CCDC85A: variants seen among roughly 807,000 people sequenced by gnomAD.
The protein encoded by CCDC85A is coiled-coil domain-containing protein 85A.
Under a neutral mutation model 50.2 loss-of-function variants are expected in CCDC85A, and 38 were observed. The ratio of observed to expected loss-of-function variants is 0.76; its 90% CI spans 0.58 to 0.99. The LOEUF (loss-of-function observed/expected upper bound fraction) is 0.99, where lower values mean the gene tolerates loss of function less well. Among genes scored for constraint, CCDC85A ranks in the 50% least tolerant of loss-of-function variants. The pLI is 0.00. For missense variants in CCDC85A, 820 were observed against 742.0 expected (o/e 1.11, Z -1.22); for synonymous variants, 366 against 301.4 (o/e 1.21, Z -2.22).
rs771198074 is a variant in CCDC85A at position 56,375,945 on chromosome 2, C to T, written c.1572+10C>T. On this transcript the variant is annotated intron_variant, in intron 5 of 5. Coordinates refer to ENST00000407595, the MANE Select transcript of CCDC85A (RefSeq NM_001080433.2). Reference sequence around the variant, plus strand: ...GGTACATTCTCTTAAGGTAACCAATCGTGTGCAACCATTTATCCAGAGCTT... The same window carrying T: ...GGTACATTCTCTTAAGGTAACCAATTGTGTGCAACCATTTATCCAGAGCTT... 2.5e-6 allele frequency: 4 copies of T among 1,610,508 alleles called. No homozygotes were observed. The highest frequency in any genetic ancestry group is 1.1e-5 in the South Asian group (1 of 90,668).
chr2:56,209,715 T>C lies in CCDC85A; in HGVS notation c.1240+16275T>C, dbSNP rs150533946. Among the ~76,000 whole-genome samples the C allele has an allele frequency of 2.6e-3, 391 of 152,224 alleles. 2 individuals are homozygous for C. The highest frequency in any genetic ancestry group is 9.1e-3 in the African/African-American group (377 of 41,562). On this transcript the variant is annotated intron_variant, in intron 2 of 5. Transcript: ENST00000407595. The stretch of plus-strand genomic sequence containing the variant: ...TTTTGACTTTGTGGAGGTGCCAAAA[T>C]ACAGTGTAAGGGAAGGTAAGATCAA...
intron 2 of CCDC85A, among the ~76,000 whole-genome samples, chr2:56,273,983 A>G (rs1376894005): frequency 6.6e-6 from 1 of 152,174 alleles, no homozygotes; most frequent in Non-Finnish European, 1.5e-5. Flanking sequence ...ATGATATATA[A>G]AAACTAAACA....
intron 2 of CCDC85A, among the ~76,000 whole-genome samples, chr2:56,218,372 T>G (rs780026041): frequency 6.6e-6 from 1 of 151,836 alleles, no homozygotes; most frequent in South Asian, 2.1e-4. Context: ...AGGTATACAT[T>G]GTAGCAAATT....
At chr2:56,245,217 T>C (rs1044389852) in intron 2 of CCDC85A, among the ~76,000 whole-genome samples, 1 of 152,196 alleles carries the variant, frequency 6.6e-6, no homozygotes, top group Non-Finnish European at 1.5e-5. Flanking sequence ...TAGCCTGCAG[T>C]GGTGAGGCTT....
At chr2:56,252,083 G>C (rs1038259233) in intron 2 of CCDC85A, among the ~76,000 whole-genome samples, 1 of 143,504 alleles carries the variant, frequency 7.0e-6, no homozygotes, top group Admixed American at 7.0e-5. Flanking sequence ...GACTCACACT[G>C]TCCCCGGGGT....
intron 2 of CCDC85A, among the ~76,000 whole-genome samples, chr2:56,329,332 T>G (rs558023890): frequency 6.6e-6 from 1 of 152,208 alleles, no homozygotes; most frequent in Non-Finnish European, 1.5e-5. Context: ...AGTGGTGTGC[T>G]TATTTATGTA....
chr2:56,355,575 G>C (rs1403013108), intron 3 of CCDC85A, among the ~76,000 whole-genome samples: 1 of 152,082 alleles, frequency 6.6e-6, no homozygotes, highest in Non-Finnish European at 1.5e-5. Context: ...ACTCATATAG[G>C]TTAGTGATAT....
intron 2 of CCDC85A, among the ~76,000 whole-genome samples, chr2:56,203,934 G>A (rs1192979301): frequency 1.3e-5 from 2 of 152,120 alleles, no homozygotes; most frequent in Non-Finnish European, 2.9e-5. Context: ...CTGGATAACG[G>A]CATGCCTACC....
chr2:56,245,734 G>A (rs966855996), intron 2 of CCDC85A, among the ~76,000 whole-genome samples: 3 of 152,090 alleles, frequency 2.0e-5, no homozygotes, highest in Non-Finnish European at 2.9e-5. Context: ...AGGAGGTGGG[G>A]TCTCTAAGAG....
intron 2 of CCDC85A, among the ~76,000 whole-genome samples, chr2:56,321,310 G>C (rs1268970495): frequency 6.6e-6 from 1 of 152,164 alleles, no homozygotes; most frequent in Admixed American, 6.5e-5. Context: ...GCAGGAGAAG[G>C]TAATAAAGGG....
intron 3 of CCDC85A, among the ~76,000 whole-genome samples, chr2:56,344,761 C>G (rs1381977143): frequency 6.6e-6 from 1 of 151,916 alleles, no homozygotes; most frequent in Non-Finnish European, 1.5e-5. Flanking sequence ...ACAAAGAAAC[C>G]TACAAAATCT....
chr2:56,256,563 C>T (rs755433994), intron 2 of CCDC85A, among the ~76,000 whole-genome samples: 14 of 152,182 alleles, frequency 9.2e-5, no homozygotes, highest in East Asian at 1.9e-4. Flanking sequence ...GGAATTAATT[C>T]GCAACTCAGA....
chr2:56,249,442 G>A (rs368340631), intron 2 of CCDC85A, among the ~76,000 whole-genome samples: 98 of 152,346 alleles, frequency 6.4e-4, no homozygotes, highest in African/African-American at 2.3e-3. Flanking sequence ...GGAGGGTAGA[G>A]TGAATCTGAA....
chr2:56,353,761 A>G (rs990395126), intron 3 of CCDC85A, among the ~76,000 whole-genome samples: 1 of 152,242 alleles, frequency 6.6e-6, no homozygotes, highest in Non-Finnish European at 1.5e-5. Flanking sequence ...CTTTAAATCC[A>G]GTGCAACATT....
At chr2:56,320,288 C>T (rs9679639) in intron 2 of CCDC85A, among the ~76,000 whole-genome samples, 54,302 of 151,664 alleles carry the variant, frequency 0.36, 11,420 homozygotes, top group African/African-American at 0.58. Flanking sequence ...TAACTAAGAT[C>T]AGAGCAGAAC....
In CCDC85A at chr2:56,192,762, G is replaced by T. The variant is rs755721821; in HGVS notation, c.562G>T (p.Asp188Tyr). The change falls in exon 2 of 6, where the codon GAC (aspartate) becomes TAC (tyrosine). Residue 188 changes from aspartate (D) to tyrosine (Y), a missense_variant. Asp to Tyr is a radical substitution (Grantham distance 160, BLOSUM62 -3). Coordinates refer to ENST00000407595, the MANE Select transcript of CCDC85A (RefSeq NM_001080433.2). The surrounding 1 kb of genome is among the most constrained non-coding windows in gnomAD (Gnocchi z 4.7). ...CTGCGCAGGCAGCCGCTGCTCCATC[G>T]ACAGCCAGGCCAGCCTGTGCCAACT... is the stretch of plus-strand genomic sequence containing the variant. ...AGCAGSRCSI[D>Y]SQASLCQLTA... is the part of the protein sequence containing the mutation. The T allele has an allele frequency of 7.4e-6, 12 of 1,612,724 alleles. No individual in the cohort carries two copies. The highest frequency in any genetic ancestry group is 9.3e-6 in the Non-Finnish European group (11 of 1,179,568).
chr2:56,183,876 G>A, upstream of CCDC85A: 2 of 985,120 alleles, frequency 2.0e-6, no homozygotes, highest in Non-Finnish European at 2.4e-6. Flanking sequence ...CGCACCTCGA[G>A]GGCCCGGGCA....
Position 56,386,033 on chromosome 2 carries a change from A to G in CCDC85A, c.*1678A>G, listed in dbSNP as rs1218962407. On this transcript the variant is annotated 3_prime_UTR_variant, in exon 6 of 6. Transcript: ENST00000407595. ...CAGCAGAGCCTGCAGAAGCTAATAC[A>G]AGGGACACTGGTCTTTTGACAAAAT... The G allele has an allele frequency of 2.0e-5, 3 of 152,250 alleles. No individual in the cohort carries two copies. The highest frequency in any genetic ancestry group is 4.4e-5 in the Non-Finnish European group (3 of 67,816). The allele number at this position is 152,250 out of a possible 1,614,324, so 9.4% of individuals were successfully genotyped here.
At chr2:56,245,559 C>T (rs184511898) in intron 2 of CCDC85A, among the ~76,000 whole-genome samples, 14 of 152,276 alleles carry the variant, frequency 9.2e-5, no homozygotes, top group Admixed American at 6.5e-4. Flanking sequence ...TGCTTTTTTG[C>T]ATAGATAGTT....
Sources: gnomAD v4.1 joint callset for allele counts (sites outside exome capture counted in the v4.1 genomes callset) on GRCh38, gnomAD v4.1.1 for gene constraint, Gnocchi (gnomAD v3.1) non-coding constraint, MANE v1.5 for transcripts, NCBI Gene and HGNC (gene_info 2026-07-23, HGNC 2026-07-21) for gene names.